DENND5B: variants seen among roughly 807,000 people sequenced by gnomAD.
DENND5B encodes the protein DENN domain containing 5B.
A neutral mutation model predicts 140.6 loss-of-function variants in DENND5B; 34 were observed. The observed-to-expected ratio is 0.24, with a 90% CI of 0.18 to 0.32. DENND5B has a LOEUF of 0.32. DENND5B is among the 10% of genes least tolerant of loss of function. The pLI, the probability that DENND5B is intolerant of heterozygous loss-of-function variation, is 1.00. For synonymous variants in DENND5B, 551 were observed against 562.1 expected (o/e 0.98, Z 0.28); for missense variants, 1,142 against 1,560.2 (o/e 0.73, Z 4.52).
At position 31,447,760 on chromosome 12, in the gene DENND5B, G is replaced by A. The variant is rs763766102; in HGVS notation, c.1639C>T (p.Leu547=). The A allele has an allele frequency of 6.3e-7, 1 of 1,592,294 alleles. No homozygotes were observed. The highest frequency in any genetic ancestry group is 1.3e-5 in the African/African-American group (1 of 74,566). The change falls in exon 6 of 21, where the codon CTG becomes TTG. Residue 547 remains leucine, a synonymous_variant. Transcript: ENST00000389082. ...QMQNFDKASF[L]SDQPEPYLPF... Reference sequence around the variant, plus strand: ...AGGTAAGGCTCAGGCTGGTCAGACAGAAAGGAAGCCTGTAATGAGATAATT... The same window carrying A: ...AGGTAAGGCTCAGGCTGGTCAGACAAAAAGGAAGCCTGTAATGAGATAATT...
chr12:31,400,585 G>A (rs1227817554), intron 15 of DENND5B, among the ~76,000 whole-genome samples: 1 of 151,984 alleles, frequency 6.6e-6, no homozygotes, highest in Non-Finnish European at 1.5e-5. Context: ...TAATTTTTAT[G>A]GGTACCTAGT....
intron 11 of DENND5B, among the ~76,000 whole-genome samples, chr12:31,417,777 T>C (rs1942825869): frequency 6.6e-6 from 1 of 152,202 alleles, no homozygotes; most frequent in Admixed American, 6.6e-5. Flanking sequence ...TTCATTTCTA[T>C]CTTCCCATCT....
At chr12:31,577,369 T>G (rs1278122703) in intron 1 of DENND5B, among the ~76,000 whole-genome samples, 1 of 152,160 alleles carries the variant, frequency 6.6e-6, no homozygotes, top group Non-Finnish European at 1.5e-5. Flanking sequence ...TCAGAAGGTC[T>G]CTGGGAATCT....
intron 6 of DENND5B, among the ~76,000 whole-genome samples, chr12:31,446,906 A>G (rs1944301128): frequency 1.3e-5 from 2 of 151,476 alleles, no homozygotes; most frequent in Non-Finnish European, 2.9e-5. Context: ...AAAAAGAAAA[A>G]GAAAAAGAAA....
At chr12:31,431,098 C>T (rs1943488856) in intron 8 of DENND5B, among the ~76,000 whole-genome samples, 1 of 152,106 alleles carries the variant, frequency 6.6e-6, no homozygotes, top group South Asian at 2.1e-4. Context: ...AGAAGTAACC[C>T]CAGATTTCTT....
intron 1 of DENND5B, among the ~76,000 whole-genome samples, chr12:31,550,977 A>G (rs2139242720): frequency 6.6e-6 from 1 of 151,512 alleles, no homozygotes; most frequent in South Asian, 2.1e-4. Context: ...TTGTCAGATG[A>G]GTAGGTTGCA....
chr12:31,514,576 G>A (rs1034384073), intron 1 of DENND5B, among the ~76,000 whole-genome samples: 1 of 152,178 alleles, frequency 6.6e-6, no homozygotes, highest in Non-Finnish European at 1.5e-5. Context: ...AACACTGTGG[G>A]AGGCCAAGGT....
intron 1 of DENND5B, among the ~76,000 whole-genome samples, chr12:31,552,275 G>A (rs1949094718): frequency 6.6e-6 from 1 of 152,032 alleles, no homozygotes; most frequent in Non-Finnish European, 1.5e-5. Context: ...TGGCATGAAG[G>A]GCTGCTGAAT....
chr12:31,520,403 A>T (rs184061253), intron 1 of DENND5B, among the ~76,000 whole-genome samples: 2 of 152,338 alleles, frequency 1.3e-5, no homozygotes, highest in African/African-American at 4.8e-5. Context: ...TATGCAGCAA[A>T]TCTCTAGCTA....
intron 2 of DENND5B, among the ~76,000 whole-genome samples, chr12:31,495,069 G>T (rs1336159415): frequency 6.6e-6 from 1 of 152,036 alleles, no homozygotes; most frequent in Non-Finnish European, 1.5e-5. Flanking sequence ...ACGCAATTAA[G>T]TTGCTTTTCA....
chr12:31,550,223 C>T (rs1264582923), intron 1 of DENND5B, among the ~76,000 whole-genome samples: 2 of 101,956 alleles, frequency 2.0e-5, no homozygotes, highest in African/African-American at 3.7e-5. Flanking sequence ...CCTCCCCCCA[C>T]CCCACAACAG....
At chr12:31,530,577 T>C (rs540013479) in intron 1 of DENND5B, among the ~76,000 whole-genome samples, 79 of 152,154 alleles carry the variant, frequency 5.2e-4, no homozygotes, top group African/African-American at 1.4e-3. Flanking sequence ...GACCTGAAAA[T>C]CAAAATAAAT....
At chr12:31,442,708 G>T in intron 7 of DENND5B, 67 bp downstream of exon 7, 3 of 1,521,428 alleles carry the variant, frequency 2.0e-6, no homozygotes, top group East Asian at 2.3e-5. Context: ...TTGTCCATTT[G>T]AGTTGCAGAG....
chr12:31,476,086 A>G (rs781142168), intron 3 of DENND5B, among the ~76,000 whole-genome samples: 4 of 152,020 alleles, frequency 2.6e-5, no homozygotes, highest in Non-Finnish European at 5.9e-5. Flanking sequence ...AGATTGCGCC[A>G]CTGCACTCCA....
intron 3 of DENND5B, among the ~76,000 whole-genome samples, chr12:31,477,214 C>T (rs914795750): frequency 2.0e-5 from 3 of 146,528 alleles, no homozygotes; most frequent in Admixed American, 1.4e-4. Flanking sequence ...GGCAACAGGG[C>T]GAGACTCTGT....
chr12:31,496,001 A>C, intron 1 of DENND5B, 82 bp from the exon 2 acceptor site: 1 of 929,324 alleles, frequency 1.1e-6, no homozygotes. Flanking sequence ...TAGTCCTACT[A>C]CTGACTGATA....
rs1279475922 is a variant in DENND5B at position 31,424,529 on chromosome 12, T to C, written c.2391+6A>G. ...CCATGTCACCAGGACCTCCTAAAAC[T>C]GTTACCTGCTTGACCTGCAAGCCAT... On this transcript the variant is annotated splice_donor_region_variant and intron_variant, in intron 10 of 20. Transcript: ENST00000389082. 6.2e-7 allele frequency: 1 copy of C among 1,612,454 alleles called. No individual in the cohort carries two copies. The highest frequency in any genetic ancestry group is 1.7e-5 in the Admixed American group (1 of 59,674).
intron 3 of DENND5B, among the ~76,000 whole-genome samples, chr12:31,469,354 A>AGAG (rs1308087337): frequency 1.3e-5 from 2 of 151,220 alleles, no homozygotes; most frequent in African/African-American, 2.4e-5. Flanking sequence ...AAAAAGAAGA[A>AGAG]GAAGAAGAAG....
At chr12:31,511,740 T>C (rs1213228717) in intron 1 of DENND5B, among the ~76,000 whole-genome samples, 2 of 152,042 alleles carry the variant, frequency 1.3e-5, no homozygotes, top group African/African-American at 2.4e-5. Context: ...GCAATAAAAA[T>C]GTTCGTTGAG....
Sources: allele counts gnomAD v4.1 joint callset (sites outside exome capture counted in the v4.1 genomes callset), GRCh38; gene constraint gnomAD v4.1.1; transcripts MANE v1.5; gene names NCBI Gene and HGNC (gene_info 2026-07-23, HGNC 2026-07-21).